CLN8: variants seen among roughly 807,000 people sequenced by gnomAD.
CLN8 encodes the protein CLN8 transmembrane ER and ERGIC protein, also known as protein CLN8.
In CLN8, 14 loss-of-function variants were observed where a neutral mutation model predicts 15.7. That is an observed-to-expected ratio of 0.89 (90% CI 0.59 to 1.39). The LOEUF (loss-of-function observed/expected upper bound fraction) is 1.39, where lower values mean the gene tolerates loss of function less well. Ranked by LOEUF, CLN8 falls within the 40% of genes most tolerant of loss-of-function variation. The probability of loss-of-function intolerance (pLI) is 0.00; values close to 1 mark genes in which losing one functional copy is unlikely to be tolerated. For missense variants in CLN8, 415 were observed against 364.0 expected (o/e 1.14, Z -1.14); for synonymous variants, 188 against 151.0 (o/e 1.25, Z -1.80).
At chr8:1,772,920 A>G (rs1801371307) in intron 2 of CLN8, 3 of 398,480 alleles carry the variant, frequency 7.5e-6, no homozygotes, top group Admixed American at 4.4e-5. Flanking sequence ...TTTCTTGTCT[A>G]CAGGAGACTG....
chr8:1,758,017 C>G (rs1180442135), intron 1 of CLN8, among the ~76,000 whole-genome samples: 1 of 152,104 alleles, frequency 6.6e-6, no homozygotes, highest in Non-Finnish European at 1.5e-5. Flanking sequence ...CAAGGTCACA[C>G]AGCCAGCAGA....
chr8:1,780,820 G>T lies in CLN8; in HGVS notation c.*253G>T. 3.6e-6 allele frequency: 2 copies of T among 562,918 alleles called. No individual in the cohort carries two copies. Among genetic ancestry groups the T allele is most frequent in the Non-Finnish European group, 3.2e-6 (1 of 317,002 alleles). 34.9% of individuals were successfully genotyped at this position (562,918 alleles called of 1,614,324 possible). A position where few individuals can be genotyped will look rare whatever the true frequency, so the allele number is the denominator to read the frequency against. On this transcript the variant is annotated 3_prime_UTR_variant, in exon 3 of 3. Transcript: ENST00000331222. ...CGGACCGTGTCAAGCATCTAGGAGAGGAGTCCATGGTGTCCAGGCATCGGG... is the reference window on the plus strand; with the variant it reads ...CGGACCGTGTCAAGCATCTAGGAGATGAGTCCATGGTGTCCAGGCATCGGG...
intron 1 of CLN8, chr8:1,758,574 T>A (rs1800723880): frequency 6.6e-6 from 1 of 152,244 alleles, no homozygotes; most frequent in African/African-American, 2.4e-5. Context: ...AGTATCGTAT[T>A]TCAAAATTCG....
intron 1 of CLN8, among the ~76,000 whole-genome samples, chr8:1,770,466 T>A (rs1237380806): frequency 6.6e-6 from 1 of 152,190 alleles, no homozygotes; most frequent in Admixed American, 6.5e-5. Context: ...TTCCATGGCC[T>A]TAACCAAGGA....
chr8:1,768,508 T>C (rs962270390), intron 1 of CLN8, among the ~76,000 whole-genome samples: 6 of 152,186 alleles, frequency 3.9e-5, no homozygotes, highest in African/African-American at 1.2e-4. Flanking sequence ...CAAGCGGACA[T>C]TGATGCAACT....
intron 2 of CLN8, 141 bp from the exon 3 acceptor site, chr8:1,780,109 G>A: frequency 1.3e-6 from 2 of 1,518,440 alleles, no homozygotes; most frequent in Non-Finnish European, 1.8e-6. Flanking sequence ...AATGAGAGCA[G>A]AGCCCTGGGG....
upstream of CLN8, among the ~76,000 whole-genome samples, chr8:1,755,440 C>G (rs934134661): frequency 2.6e-4 from 39 of 152,180 alleles, no homozygotes; most frequent in African/African-American, 9.2e-4. Flanking sequence ...ACACAGACCC[C>G]TCCCCACCTT....
Position 1,771,259 on chromosome 8 carries a change from A to G in CLN8, c.205A>G (p.Thr69Ala), listed in dbSNP as rs1244778239. The G allele has an allele frequency of 6.2e-7, 1 of 1,613,426 alleles. No homozygotes were observed. Residue 69 changes from threonine to alanine, a missense_variant, in exon 2 of 3, where the codon ACG (threonine) becomes GCG (alanine). Thr to Ala is a moderately conservative substitution (Grantham distance 58). Coordinates refer to ENST00000331222, the MANE Select transcript of CLN8 (RefSeq NM_018941.4). ...REKVFWDLAATRAVFGVQSTA... is the reference protein window; with the variant it reads ...REKVFWDLAAARAVFGVQSTA... Reference sequence around the variant, plus strand: ...GAAGGTCTTCTGGGACCTGGCGGCCACGCGTGCAGTCTTTGGTGTTCAGAG... The same window carrying G: ...GAAGGTCTTCTGGGACCTGGCGGCCGCGCGTGCAGTCTTTGGTGTTCAGAG...
At position 1,781,123 on chromosome 8, in the gene CLN8, C is replaced by T. The variant is rs113877645; in HGVS notation, c.*556C>T. ...ACGTAATCCCAGCACGTTGGGAGGC[C>T]GAGGCAGGTGGATCACTTGAGGCCA... On this transcript the variant is annotated 3_prime_UTR_variant, in exon 3 of 3. Transcript: ENST00000331222. 0.019 allele frequency: 2,855 copies of T among 153,420 alleles called. 93 individuals carry two copies. The highest frequency in any genetic ancestry group is 0.065 in the African/African-American group (2,676 of 41,444). The allele number at this position is 153,420 out of a possible 1,614,324, so 9.5% of individuals were successfully genotyped here.
At chr8:1,776,522 A>C (rs1455518009) in intron 2 of CLN8, among the ~76,000 whole-genome samples, 1 of 151,366 alleles carries the variant, frequency 6.6e-6, no homozygotes, top group Non-Finnish European at 1.5e-5. Context: ...GCTCCAGTAC[A>C]CACACACACG....
At chr8:1,772,047 T>C (rs910401320) in intron 2 of CLN8, among the ~76,000 whole-genome samples, 2 of 152,018 alleles carry the variant, frequency 1.3e-5, no homozygotes, top group Admixed American at 6.6e-5. Flanking sequence ...GTGATTCTCC[T>C]GCGTCAGCCT....
At chr8:1,769,843 G>C (rs932518496) in intron 1 of CLN8, among the ~76,000 whole-genome samples, 4 of 152,162 alleles carry the variant, frequency 2.6e-5, no homozygotes, top group African/African-American at 7.2e-5. Flanking sequence ...ATCAGGCAGA[G>C]GAGATGCTGT....
intron 2 of CLN8, among the ~76,000 whole-genome samples, chr8:1,778,642 G>A (rs750625537): frequency 1.1e-4 from 16 of 152,196 alleles, no homozygotes; most frequent in East Asian, 1.9e-4. Context: ...GTGGAAAGCC[G>A]CACTGGCGGT....
chr8:1,780,525 G>T lies in CLN8; in HGVS notation c.819G>T (p.Arg273Ser), dbSNP rs1405535719. Residue 273 changes from arginine to serine, a missense_variant, in exon 3 of 3, where the codon AGG (arginine) becomes AGT (serine). Coordinates refer to ENST00000331222, the MANE Select transcript of CLN8 (RefSeq NM_018941.4). ...WNFAQPEAKS[R>S]PEGNGQLLRK... ...TCGCACAGCCAGAAGCCAAGAGCAG[G>T]CCAGAAGGCAACGGGCAGCTGCTGC... The T allele has an allele frequency of 1.2e-6, 2 of 1,614,194 alleles. No homozygotes were observed. The highest frequency in any genetic ancestry group is 2.7e-5 in the African/African-American group (2 of 75,064).
chr8:1,780,507 G>T lies in CLN8; in HGVS notation c.801G>T (p.Gln267His), dbSNP rs374652311. ...ATCCGGTGGACTGGAACTTCGCACAGCCAGAAGCCAAGAGCAGGCCAGAAG... is the reference window on the plus strand; with the variant it reads ...ATCCGGTGGACTGGAACTTCGCACATCCAGAAGCCAAGAGCAGGCCAGAAG... ...LLNPVDWNFA[Q>H]PEAKSRPEGN... The change falls in exon 3 of 3, where the codon CAG becomes CAT. Residue 267 changes from glutamine to histidine, a missense_variant. Transcript: ENST00000331222. 3 of 1,614,098 alleles carry T rather than the reference G, an allele frequency of 1.9e-6. No homozygotes were observed. In the African/African-American group the frequency reaches 4.0e-5, roughly 22 times the overall value.
At chr8:1,776,746 G>C (rs1171954552) in intron 2 of CLN8, among the ~76,000 whole-genome samples, 1 of 152,180 alleles carries the variant, frequency 6.6e-6, no homozygotes, top group Admixed American at 6.5e-5. Context: ...TCCATGCATA[G>C]GTCTGTGCCT....
In CLN8 at chr8:1,775,355, G is replaced by T. The variant is rs562325771; in HGVS notation, c.543+3758G>T. ...GGGAGCCCAGGAACCAGTCCCCCAA[G>T]GATACTGAGGGTGACTGTATATTTA... On this transcript the variant is annotated intron_variant, in intron 2 of 2. Transcript: ENST00000331222. Among the ~76,000 whole-genome samples, 169 of 152,266 alleles carry T rather than the reference G, an allele frequency of 1.1e-3. 2 individuals are homozygous for T. Among genetic ancestry groups the T allele is most frequent in the African/African-American group, 4.0e-3 (165 of 41,550 alleles).
Position 1,782,503 on chromosome 8 carries a change from C to G in CLN8, c.*1936C>G, listed in dbSNP as rs1041894827. 1.3e-5 allele frequency: 2 copies of G among 152,100 alleles called. No individual in the cohort carries two copies. Among genetic ancestry groups the G allele is most frequent in the East Asian group, 3.8e-4 (2 of 5,206 alleles). 9.4% of individuals were successfully genotyped at this position (152,100 alleles called of 1,614,324 possible). ...CTATATTGACCAAGGTGTATAGTAA[C>G]CTATTTATCACATTTTACGAAGCAA... On this transcript the variant is annotated 3_prime_UTR_variant, in exon 3 of 3. Coordinates refer to ENST00000331222, the MANE Select transcript of CLN8 (RefSeq NM_018941.4).
chr8:1,773,383 C>T (rs572210546), intron 2 of CLN8, among the ~76,000 whole-genome samples: 6 of 152,148 alleles, frequency 3.9e-5, no homozygotes, highest in South Asian at 2.1e-4. Context: ...GTGGTTTGGG[C>T]GGTGGCAGGA....
Sources: allele counts gnomAD v4.1 joint callset (sites outside exome capture counted in the v4.1 genomes callset), GRCh38; gene constraint gnomAD v4.1.1; transcripts MANE v1.5; gene names NCBI Gene and HGNC (gene_info 2026-07-23, HGNC 2026-07-21).